Variants in TAF3 observed in about 807,000 individuals in gnomAD.
TAF3 encodes transcription initiation factor TFIID subunit 3.
A neutral mutation model predicts 80.6 loss-of-function variants in TAF3; 7 were observed. The observed-to-expected ratio is 0.09, with a 90% CI of 0.05 to 0.16. The LOEUF is 0.16. Ranked by LOEUF, TAF3 falls within the 10% of genes least tolerant of loss-of-function variation. The probability of loss-of-function intolerance (pLI) is 1.00; values close to 1 mark genes in which losing one functional copy is unlikely to be tolerated. For missense variants in TAF3, 921 were observed against 1,140.2 expected (o/e 0.81, Z 2.77); for synonymous variants, 444 against 446.1 (o/e 1.00, Z 0.06).
At chr10:7,984,144 T>C (rs1244979058) in intron 4 of TAF3, among the ~76,000 whole-genome samples, 1 of 152,180 alleles carries the variant, frequency 6.6e-6, no homozygotes, top group Non-Finnish European at 1.5e-5. Context: ...CCTTTTCTGA[T>C]TTTTCCAGAA....
chr10:7,925,551 C>A (rs1261732606), intron 2 of TAF3, among the ~76,000 whole-genome samples: 1 of 152,128 alleles, frequency 6.6e-6, no homozygotes, highest in African/African-American at 2.4e-5. Context: ...TGCCTGTAAT[C>A]CCAGCACTTC....
rs535119276 is a variant in TAF3, at chr10:7,988,219, C to T, written c.2315+10896C>T. On this transcript the variant is annotated intron_variant, in intron 4 of 6. Coordinates refer to ENST00000344293, the MANE Select transcript of TAF3 (RefSeq NM_031923.4). ...GCTCATGCCTATAATCCCAGCACTG[C>T]GGGAGGATCGCTTGAGGCTGGGAGT... Among the ~76,000 whole-genome samples the T allele has an allele frequency of 5.9e-4, 89 of 152,110 alleles. 1 individual carries two copies. The Middle Eastern group carries it at 0.01, about 17-fold the overall frequency.
chr10:7,844,712 C>T (rs1388700374), intron 2 of TAF3, among the ~76,000 whole-genome samples: 2 of 152,060 alleles, frequency 1.3e-5, no homozygotes, highest in Admixed American at 6.6e-5. Context: ...TGTCTTTTTC[C>T]ATTATGAACA....
At chr10:7,921,453 T>G (rs2131189101) in intron 2 of TAF3, among the ~76,000 whole-genome samples, 1 of 152,296 alleles carries the variant, frequency 6.6e-6, no homozygotes, top group South Asian at 2.1e-4. Context: ...TTAAACTTTC[T>G]GAGCGGTGTT....
At chr10:7,825,140 G>A (rs1836727828) in intron 2 of TAF3, among the ~76,000 whole-genome samples, 1 of 152,128 alleles carries the variant, frequency 6.6e-6, no homozygotes, top group African/African-American at 2.4e-5. Flanking sequence ...AATTTTAGAT[G>A]TTGATCACTA....
chr10:7,865,585 G>A (rs1447955752), intron 2 of TAF3, among the ~76,000 whole-genome samples: 2 of 152,242 alleles, frequency 1.3e-5, no homozygotes, highest in Non-Finnish European at 2.9e-5. Flanking sequence ...CCTGGAGGTG[G>A]GCGTAGTAAC....
intron 2 of TAF3, among the ~76,000 whole-genome samples, chr10:7,883,710 T>TCCTTC (rs1837382191): frequency 6.6e-6 from 1 of 152,224 alleles, no homozygotes; most frequent in Non-Finnish European, 1.5e-5. Context: ...GATTTTCCCC[T>TCCTTC]CCTTCCCACT....
At chr10:7,904,500 T>G (rs533733162) in intron 2 of TAF3, among the ~76,000 whole-genome samples, 94 of 152,322 alleles carry the variant, frequency 6.2e-4, no homozygotes, top group African/African-American at 2.2e-3. Context: ...ATACACGCAT[T>G]TATCTCATAT....
At chr10:7,824,272 G>C (rs1291030904) in intron 1 of TAF3, 46 bp from the exon 2 acceptor site, 1 of 1,567,136 alleles carries the variant, frequency 6.4e-7, no homozygotes, top group African/African-American at 1.4e-5. Flanking sequence ...AAATATATTC[G>C]TGGGATTTCT....
At chr10:7,894,306 A>G (rs1353267812) in intron 2 of TAF3, among the ~76,000 whole-genome samples, 1 of 152,200 alleles carries the variant, frequency 6.6e-6, no homozygotes, top group Non-Finnish European at 1.5e-5. Flanking sequence ...AGCTGGTCAC[A>G]GAGCAAACGT....
At chr10:7,866,367 G>C (rs1331417105) in intron 2 of TAF3, among the ~76,000 whole-genome samples, 1 of 152,206 alleles carries the variant, frequency 6.6e-6, no homozygotes, top group African/African-American at 2.4e-5. Flanking sequence ...AATGAACGTA[G>C]GGGCCTGTGA....
chr10:7,863,666 T>C (rs1312777), intron 2 of TAF3, among the ~76,000 whole-genome samples: 4,425 of 37,418 alleles, frequency 0.12, 1,283 homozygotes, highest in South Asian at 0.36. Flanking sequence ...CATATATATA[T>C]ACACACATAT....
intron 2 of TAF3, among the ~76,000 whole-genome samples, chr10:7,885,276 C>CCA (rs1198236914): frequency 7.2e-6 from 1 of 138,952 alleles, no homozygotes; most frequent in Non-Finnish European, 1.6e-5. Context: ...ACACACACCC[C>CCA]CACACACACA....
At chr10:8,011,735 C>G (rs1832058027) in intron 5 of TAF3, among the ~76,000 whole-genome samples, 1 of 152,300 alleles carries the variant, frequency 6.6e-6, no homozygotes, top group East Asian at 1.9e-4. Context: ...CCTCCTTGAC[C>G]TTCGTGTCTT....
chr10:7,839,500 G>A (rs1175891629), intron 2 of TAF3, among the ~76,000 whole-genome samples: 2 of 152,164 alleles, frequency 1.3e-5, no homozygotes, highest in African/African-American at 4.8e-5. Flanking sequence ...AAATTAGCTT[G>A]TCCAAAGTCA....
At chr10:7,921,962 A>G (rs1160751654) in intron 2 of TAF3, among the ~76,000 whole-genome samples, 5 of 152,160 alleles carry the variant, frequency 3.3e-5, no homozygotes, top group African/African-American at 1.2e-4. Context: ...TAATAGATAT[A>G]TTGAAATATA....
Position 7,965,683 on chromosome 10 carries a change from A to G in TAF3, c.2173A>G (p.Lys725Glu). 1 of 1,580,402 alleles carries G rather than the reference A, an allele frequency of 6.3e-7. No homozygotes were observed. Among genetic ancestry groups the G allele is most frequent in the Middle Eastern group, 1.7e-4 (1 of 5,902 alleles). The part of the protein sequence containing the change: ...EKEKKEKERE[K>E]EKREREKREK... Reference sequence around the variant, plus strand: ...GGAGAAGAAGGAGAAGGAAAGAGAGAAAGAGAAGAGAGAGCGAGAGAAGAG... The same window carrying G: ...GGAGAAGAAGGAGAAGGAAAGAGAGGAAGAGAAGAGAGAGCGAGAGAAGAG... The change falls in exon 3 of 7, where the codon AAA becomes GAA. Residue 725 changes from lysine to glutamate, a missense_variant. Around this residue, in one of 6 missense-constraint regions of TAF3, gnomAD observed 743 missense variants for 821.0 expected, o/e 0.90. Transcript: ENST00000344293.
chr10:7,893,699 C>A (rs1299708807), intron 2 of TAF3, among the ~76,000 whole-genome samples: 2 of 152,126 alleles, frequency 1.3e-5, no homozygotes, highest in African/African-American at 4.8e-5. Flanking sequence ...GTAGGCCTGG[C>A]CTATCTGTGT....
chr10:7,824,387 A>C lies in TAF3; in HGVS notation c.236A>C (p.Glu79Ala), dbSNP rs761474150. The C allele has an allele frequency of 1.2e-6, 2 of 1,614,188 alleles. No individual in the cohort carries two copies. Among genetic ancestry groups the C allele is most frequent in the Non-Finnish European group, 1.7e-6 (2 of 1,180,014 alleles). Reference protein sequence around the residue: ...AFQLMGVSLHELEDYIHNIEP... With the variant: ...AFQLMGVSLHALEDYIHNIEP... ...CAGCTGATGGGGGTTAGTCTACATG[A>C]ACTAGAAGACTATATTCACAACATT... The change falls in exon 2 of 7, where the codon GAA (glutamate) becomes GCA (alanine). Residue 79 changes from glutamate to alanine, a missense_variant. By Grantham distance (107) the Glu-to-Ala change is moderately radical. Coordinates refer to ENST00000344293, the MANE Select transcript of TAF3 (RefSeq NM_031923.4).
Sources: gnomAD v4.1 joint callset for allele counts (sites outside exome capture counted in the v4.1 genomes callset) on GRCh38, gnomAD v4.1.1 for gene constraint, gnomAD v4.1.1 regional missense constraint, MANE v1.5 for transcripts, NCBI Gene and HGNC (gene_info 2026-07-23, HGNC 2026-07-21) for gene names.